The following SLC41A3 variants were observed in gnomAD, a reference collection of about 807,000 sequenced individuals.
The protein encoded by SLC41A3 is SLC41A1-like 2.
Under a neutral mutation model 45.4 loss-of-function variants are expected in SLC41A3, and 44 were observed. That is an observed-to-expected ratio of 0.97 (90% CI 0.76 to 1.25). The LOEUF (loss-of-function observed/expected upper bound fraction) is 1.25, where lower values mean the gene tolerates loss of function less well. Ranked by LOEUF, SLC41A3 falls within the 50% of genes most tolerant of loss-of-function variation. The pLI, the probability that SLC41A3 is intolerant of heterozygous loss-of-function variation, is 0.00. For missense variants in SLC41A3, 550 were observed against 600.6 expected (o/e 0.92, Z 0.88); for synonymous variants, 256 against 252.4 (o/e 1.01, Z -0.13).
At chr3:126,021,226 T>G (rs1272642716) in intron 6 of SLC41A3, among the ~76,000 whole-genome samples, 1 of 132,142 alleles carries the variant, frequency 7.6e-6, no homozygotes, top group African/African-American at 2.9e-5. Flanking sequence ...TATCTTTTCC[T>G]GGGCTTTCTG....
intron 2 of SLC41A3, among the ~76,000 whole-genome samples, chr3:126,065,568 T>A (rs1374163990): frequency 6.6e-6 from 1 of 152,196 alleles, no homozygotes; most frequent in Non-Finnish European, 1.5e-5. Flanking sequence ...TTTTTCTTCT[T>A]CATGGGAACA....
At chr3:126,034,878 A>G (rs773400876) in intron 3 of SLC41A3, among the ~76,000 whole-genome samples, 2 of 152,378 alleles carry the variant, frequency 1.3e-5, no homozygotes, top group Admixed American at 6.5e-5. Context: ...AATATTTTTT[A>G]TCATCTATAA....
At chr3:126,032,530 A>C (rs568480461) in intron 4 of SLC41A3, among the ~76,000 whole-genome samples, 2 of 152,332 alleles carry the variant, frequency 1.3e-5, no homozygotes, top group South Asian at 2.1e-4. Context: ...ACTTCACAAC[A>C]ACCCTGCACA....
At chr3:126,097,261 T>C (rs1439756551) in intron 1 of SLC41A3, among the ~76,000 whole-genome samples, 1 of 152,164 alleles carries the variant, frequency 6.6e-6, no homozygotes, top group Non-Finnish European at 1.5e-5. Context: ...CAGTGGAGTG[T>C]GCCCCCGGAA....
intron 1 of SLC41A3, among the ~76,000 whole-genome samples, chr3:126,069,523 A>G (rs1410388230): frequency 2.6e-5 from 4 of 152,190 alleles, no homozygotes; most frequent in Non-Finnish European, 5.9e-5. Flanking sequence ...GAAGGGGGGA[A>G]TCTCATTTCC....
At chr3:126,045,304 A>G (rs1942889068) in intron 3 of SLC41A3, among the ~76,000 whole-genome samples, 1 of 151,916 alleles carries the variant, frequency 6.6e-6, no homozygotes, top group African/African-American at 2.4e-5. Context: ...TAAAATAGAG[A>G]ACAGAAAAAT....
chr3:126,058,887 C>A (rs1943838783), intron 2 of SLC41A3, among the ~76,000 whole-genome samples: 1 of 152,158 alleles, frequency 6.6e-6, no homozygotes, highest in African/African-American at 2.4e-5. Context: ...AACACATCAC[C>A]CAGGCCAAAC....
chr3:126,009,318 G>A (rs995630513), intron 9 of SLC41A3, among the ~76,000 whole-genome samples: 1 of 152,146 alleles, frequency 6.6e-6, no homozygotes, highest in African/African-American at 2.4e-5. Context: ...CTTTGGGTAT[G>A]GTGCTTCACT....
chr3:126,096,277 C>T (rs1480085699), intron 1 of SLC41A3, among the ~76,000 whole-genome samples: 1 of 152,172 alleles, frequency 6.6e-6, no homozygotes, highest in African/African-American at 2.4e-5. Flanking sequence ...TTTGTATAGT[C>T]TGCAGATGCG....
intron 3 of SLC41A3, among the ~76,000 whole-genome samples, 187 bp from the exon 4 acceptor site, chr3:126,033,865 C>T (rs956905803): frequency 8.5e-5 from 13 of 152,094 alleles, no homozygotes; most frequent in Admixed American, 7.2e-4. Context: ...TGGGGAGAAA[C>T]GTTAGGGCAC....
intron 1 of SLC41A3, among the ~76,000 whole-genome samples, chr3:126,082,748 G>A (rs746166539): frequency 1.6e-4 from 25 of 152,202 alleles, no homozygotes; most frequent in African/African-American, 4.3e-4. Flanking sequence ...CATCCTGCCC[G>A]GGGACCTGGA....
At chr3:126,059,235 GA>G (rs1329001121) in intron 2 of SLC41A3, among the ~76,000 whole-genome samples, 27 of 2,122 alleles carry the variant, frequency 0.013, 1 homozygote, top group African/African-American at 0.018. Flanking sequence ...GAAAGAAAGA[GA>G]AAGAAAGAAA....
intron 8 of SLC41A3, among the ~76,000 whole-genome samples, chr3:126,014,727 G>A (rs923353472): frequency 6.6e-6 from 1 of 152,262 alleles, no homozygotes; most frequent in African/African-American, 2.4e-5. Context: ...TCTGAAGGCT[G>A]TTTCTTCAGT....
At chr3:126,065,888 A>C (rs568344705) in intron 2 of SLC41A3, among the ~76,000 whole-genome samples, 1 of 152,358 alleles carries the variant, frequency 6.6e-6, no homozygotes, top group South Asian at 2.1e-4. Context: ...TGAGCAAAGA[A>C]TATAAATAGA....
chr3:126,052,138 T>C (rs1350634593), intron 2 of SLC41A3, among the ~76,000 whole-genome samples: 1 of 152,198 alleles, frequency 6.6e-6, no homozygotes, highest in Non-Finnish European at 1.5e-5. Flanking sequence ...CCAGCTCTGA[T>C]GGAGTTCTGA....
At chr3:126,017,193 A>T (rs1051310287) in intron 6 of SLC41A3, among the ~76,000 whole-genome samples, 3 of 152,238 alleles carry the variant, frequency 2.0e-5, no homozygotes, top group Non-Finnish European at 2.9e-5. Flanking sequence ...CAATGTATGG[A>T]ATGCACCATG....
At position 126,035,235 on chromosome 3, in the gene SLC41A3, C is replaced by T. The variant is rs116323409; in HGVS notation, c.382-1557G>A. Among the ~76,000 whole-genome samples the T allele has an allele frequency of 4.9e-3, 740 of 152,324 alleles. 2 individuals carry two copies. Among genetic ancestry groups the T allele is most frequent in the South Asian group, 0.023 (109 of 4,822 alleles). On this transcript the variant is annotated intron_variant, in intron 3 of 10. Transcript: ENST00000360370. ...ACCAGAGCTGAGCTGTCCAAAAACT[C>T]GGAGGCTTGGGTTGTGGATGAGTCA...
At chr3:126,018,641 T>G (rs533485650) in intron 6 of SLC41A3, among the ~76,000 whole-genome samples, 1 of 152,336 alleles carries the variant, frequency 6.6e-6, no homozygotes, top group South Asian at 2.1e-4. Flanking sequence ...AGTGATAAAC[T>G]GCAGCTTTGC....
intron 1 of SLC41A3, among the ~76,000 whole-genome samples, chr3:126,068,496 G>A (rs1396881779): frequency 6.6e-6 from 1 of 151,996 alleles, no homozygotes; most frequent in Non-Finnish European, 1.5e-5. Context: ...AGCAAAAAAG[G>A]GCCTCTGAAA....
Sources: allele counts gnomAD v4.1 joint callset (sites outside exome capture counted in the v4.1 genomes callset), GRCh38; gene constraint gnomAD v4.1.1; transcripts MANE v1.5; gene names NCBI Gene and HGNC (gene_info 2026-07-23, HGNC 2026-07-21).